ENOX1: variants seen among roughly 807,000 people sequenced by gnomAD.
The protein encoded by ENOX1 is candidate growth-related and time keeping constitutive hydroquinone (NADH) oxidase.
ENOX1 carries 42 observed loss-of-function variants against 82.5 expected under a neutral mutation model. That is an observed-to-expected ratio of 0.51 (90% CI 0.40 to 0.66). The LOEUF (loss-of-function observed/expected upper bound fraction) is 0.66, where lower values mean the gene tolerates loss of function less well. Ranked by LOEUF, ENOX1 falls within the 30% of genes least tolerant of loss-of-function variation. The pLI is 0.00. For missense variants in ENOX1, 608 were observed against 811.6 expected, an observed-to-expected ratio of 0.75 and a Z score of 3.05; for synonymous variants, 271 against 282.2, an observed-to-expected ratio of 0.96 and a Z score of 0.40.
At chr13:43,345,066 C>T (rs865774723) in intron 8 of ENOX1, among the ~76,000 whole-genome samples, 2 of 152,230 alleles carry the variant, frequency 1.3e-5, no homozygotes, top group Non-Finnish European at 2.9e-5. Flanking sequence ...CTTGATTTCT[C>T]TTTCTTAAGA....
At chr13:43,761,769 A>G (rs1950990780) in intron 1 of ENOX1, among the ~76,000 whole-genome samples, 2 of 152,212 alleles carry the variant, frequency 1.3e-5, no homozygotes, top group South Asian at 4.1e-4. Context: ...GTCTCCTTCC[A>G]GCTCCAATTA....
Position 43,484,118 on chromosome 13 carries a change from T to C in ENOX1, c.-184A>G, listed in dbSNP as rs2058605093. On this transcript the variant is annotated 5_prime_UTR_variant, in exon 3 of 17. The change abolishes an upstream ATG in the 5' untranslated region. Coordinates refer to ENST00000690772, the MANE Select transcript of ENOX1 (RefSeq NM_001347969.2). ...GATGCTCTTCACAAAGGAAGTCTCA[T>C]GGAAGACAGCATGGTTCTGACATAT... is the stretch of plus-strand genomic sequence containing the variant. 4 of 985,396 alleles carry C rather than the reference T, an allele frequency of 4.1e-6. No homozygotes were observed. Among genetic ancestry groups the C allele is most frequent in the Admixed American group, 6.2e-5 (1 of 16,250 alleles). The allele number at this position is 985,396 out of a possible 1,614,324, so 61.0% of individuals were successfully genotyped here. A position where few individuals can be genotyped will look rare whatever the true frequency, so the allele number is the denominator to read the frequency against.
intron 3 of ENOX1, among the ~76,000 whole-genome samples, chr13:43,451,290 C>T (rs1157926369): frequency 6.6e-6 from 1 of 152,146 alleles, no homozygotes; most frequent in African/African-American, 2.4e-5. Flanking sequence ...GGTAAGGGAA[C>T]TCAGGCTGGT....
chr13:43,552,792 G>A (rs115862627), intron 2 of ENOX1, among the ~76,000 whole-genome samples: 58 of 152,284 alleles, frequency 3.8e-4, no homozygotes, highest in African/African-American at 1.3e-3. Context: ...TAGGCAATCA[G>A]TTATTTGTTG....
At chr13:43,460,902 G>A (rs964784003) in intron 3 of ENOX1, among the ~76,000 whole-genome samples, 17 of 148,852 alleles carry the variant, frequency 1.1e-4, no homozygotes, top group African/African-American at 4.2e-4. Context: ...ATTGGATATG[G>A]CACGGAAACC....
At chr13:43,602,483 C>T (rs1054672265) in intron 2 of ENOX1, among the ~76,000 whole-genome samples, 2 of 151,952 alleles carry the variant, frequency 1.3e-5, no homozygotes, top group Non-Finnish European at 2.9e-5. Flanking sequence ...TATATATACA[C>T]ACAATTTCCA....
chr13:43,503,936 T>C (rs1199431386), intron 2 of ENOX1, among the ~76,000 whole-genome samples: 1 of 151,312 alleles, frequency 6.6e-6, no homozygotes, highest in African/African-American at 2.4e-5. Context: ...CTTTGCAAAA[T>C]GGGGGAAAAT....
At chr13:43,536,126 C>T (rs1410846203) in intron 2 of ENOX1, among the ~76,000 whole-genome samples, 5 of 152,000 alleles carry the variant, frequency 3.3e-5, no homozygotes, top group African/African-American at 7.3e-5. Context: ...TGGATTAAAC[C>T]CAAATGATTA....
chr13:43,769,570 A>G (rs1951472577), intron 1 of ENOX1, among the ~76,000 whole-genome samples: 1 of 152,256 alleles, frequency 6.6e-6, no homozygotes, highest in Non-Finnish European at 1.5e-5. Context: ...AGAAGGAGAT[A>G]GTAACAGACT....
intron 5 of ENOX1, among the ~76,000 whole-genome samples, chr13:43,395,426 G>C (rs113572452): frequency 3.3e-5 from 5 of 152,120 alleles, no homozygotes; most frequent in African/African-American, 9.7e-5. Context: ...TGAGGTAGGA[G>C]GATCACTTGG....
intron 5 of ENOX1, among the ~76,000 whole-genome samples, chr13:43,370,361 C>T (rs865865844): frequency 8.6e-5 from 13 of 151,694 alleles, no homozygotes; most frequent in Admixed American, 3.3e-4. Flanking sequence ...AGCGAGACTC[C>T]ATCTCAAGAA....
intron 5 of ENOX1, among the ~76,000 whole-genome samples, chr13:43,405,294 G>A (rs1158612227): frequency 1.3e-5 from 2 of 152,172 alleles, no homozygotes; most frequent in African/African-American, 4.8e-5. Flanking sequence ...GCTGAAACTT[G>A]AAGGAGCATC....
intron 9 of ENOX1, among the ~76,000 whole-genome samples, chr13:43,328,163 T>C (rs546424983): frequency 1.3e-5 from 2 of 152,248 alleles, no homozygotes; most frequent in Non-Finnish European, 2.9e-5. Context: ...GGCCATCAGC[T>C]GACCACTGAT....
At chr13:43,219,282 G>A (rs2041658063) in intron 16 of ENOX1, among the ~76,000 whole-genome samples, 1 of 152,188 alleles carries the variant, frequency 6.6e-6, no homozygotes. Flanking sequence ...AGCATATTAT[G>A]AGGAGATGAT....
intron 1 of ENOX1, among the ~76,000 whole-genome samples, chr13:43,735,011 C>T (rs568447897): frequency 1.9e-3 from 290 of 152,288 alleles, no homozygotes; most frequent in African/African-American, 6.9e-3. Flanking sequence ...CAATGCTTCC[C>T]ACCTCCAAAG....
intron 3 of ENOX1, among the ~76,000 whole-genome samples, chr13:43,468,797 G>A (rs2057859812): frequency 6.6e-6 from 1 of 152,118 alleles, no homozygotes. Flanking sequence ...ATGATGCTTT[G>A]CAGTTTTCAG....
chr13:43,466,425 T>C (rs867188158), intron 3 of ENOX1, among the ~76,000 whole-genome samples: 1 of 152,134 alleles, frequency 6.6e-6, no homozygotes, highest in Non-Finnish European at 1.5e-5. Flanking sequence ...AAGACAAAGA[T>C]GTCCACTCTC....
intron 1 of ENOX1, among the ~76,000 whole-genome samples, chr13:43,759,803 AC>A (rs908702437): frequency 2.6e-4 from 40 of 152,242 alleles, no homozygotes; most frequent in Admixed American, 2.0e-3. Context: ...CAGCCAGACT[AC>A]AGCATAATCA....
rs564638594 is a variant in ENOX1, at chr13:43,298,218, T to C, written c.1446+128A>G. 217 of 975,358 alleles carry C rather than the reference T, an allele frequency of 2.2e-4. 1 individual carries two copies. In the African/African-American group the frequency reaches 2.8e-3, roughly 13 times the overall value. 60.4% of individuals were successfully genotyped at this position (975,358 alleles called of 1,614,324 possible). A position where few individuals can be genotyped will look rare whatever the true frequency, so the allele number is the denominator to read the frequency against. ...AACAGTCATTAGCACTTTTCTGTCC[T>C]AGTAACATAGCTTTTTGGTTGTCAT... is the stretch of plus-strand genomic sequence containing the variant. On this transcript the variant is annotated intron_variant, in intron 12 of 16. Coordinates refer to ENST00000690772, the MANE Select transcript of ENOX1 (RefSeq NM_001347969.2).
Sources: gnomAD v4.1 joint callset for allele counts (sites outside exome capture counted in the v4.1 genomes callset) on GRCh38, gnomAD v4.1.1 for gene constraint, MANE v1.5 for transcripts, NCBI Gene and HGNC (gene_info 2026-07-23, HGNC 2026-07-21) for gene names.